The following TDRD9 variants were observed in gnomAD, a reference collection of about 807,000 sequenced individuals.
The protein encoded by TDRD9 is tudor domain containing 9, also known as ATP-dependent RNA helicase TDRD9.
In TDRD9, 124 loss-of-function variants were observed where a neutral mutation model predicts 172.6. The observed-to-expected ratio is 0.72, with a 90% CI of 0.62 to 0.83. TDRD9 has a LOEUF of 0.83. Among genes scored for constraint, TDRD9 ranks in the 40% least tolerant of loss-of-function variants. The probability of loss-of-function intolerance (pLI) is 0.00; values close to 1 mark genes in which losing one functional copy is unlikely to be tolerated. For missense variants in TDRD9, 1,479 were observed against 1,714.1 expected, an observed-to-expected ratio of 0.86 and a Z score of 2.42; for synonymous variants, 619 against 617.1, an observed-to-expected ratio of 1.00 and a Z score of -0.05.
intron 32 of TDRD9, among the ~76,000 whole-genome samples, chr14:104,035,301 G>T (rs1282386644): frequency 6.6e-6 from 1 of 152,106 alleles, no homozygotes; most frequent in Non-Finnish European, 1.5e-5. Context: ...CAAAAAAGGG[G>T]TAAAATAAAT....
chr14:103,942,311 A>C (rs2031287258), intron 1 of TDRD9: 1 of 152,266 alleles, frequency 6.6e-6, no homozygotes, highest in African/African-American at 2.4e-5. Flanking sequence ...TCATTAATTC[A>C]CCTTGTAAGT....
At chr14:104,001,112 C>T (rs2034245868) in intron 13 of TDRD9, among the ~76,000 whole-genome samples, 1 of 152,194 alleles carries the variant, frequency 6.6e-6, no homozygotes, top group South Asian at 2.1e-4. Flanking sequence ...GTGTATGGTT[C>T]TGTGCAGTTT....
intron 32 of TDRD9, among the ~76,000 whole-genome samples, chr14:104,035,476 C>T (rs1348265482): frequency 6.6e-6 from 1 of 152,146 alleles, no homozygotes; most frequent in Non-Finnish European, 1.5e-5. Flanking sequence ...GGCAGATTGC[C>T]CAGCAGATTG....
Position 104,040,261 on chromosome 14 carries a change from G to T in TDRD9, c.3782G>T (p.Gly1261Val). Residue 1261 changes from glycine to valine, a missense_variant, in exon 33 of 36, where the codon GGG becomes GTG. This residue lies in a region of TDRD9 where 1,413 missense variants were observed against 1,649.1 expected (regional missense o/e 0.86). Coordinates refer to ENST00000409874, the MANE Select transcript of TDRD9 (RefSeq NM_153046.3). ...LCGLGWNPATGASILPEHDME... is the reference protein window; with the variant it reads ...LCGLGWNPATVASILPEHDME... Reference sequence around the variant, plus strand: ...GGTTTGGGGTGGAATCCAGCTACAGGGGCTTCCATACTGCCCGAGCACGAC... The same window carrying T: ...GGTTTGGGGTGGAATCCAGCTACAGTGGCTTCCATACTGCCCGAGCACGAC... The T allele has an allele frequency of 1.9e-6, 3 of 1,551,402 alleles. No individual in the cohort carries two copies. The highest frequency in any genetic ancestry group is 2.6e-6 in the Non-Finnish European group (3 of 1,146,794).
At chr14:103,995,184 C>T (rs1184716429) in intron 11 of TDRD9, among the ~76,000 whole-genome samples, 1 of 152,024 alleles carries the variant, frequency 6.6e-6, no homozygotes, top group South Asian at 2.1e-4. Flanking sequence ...TTCTCGTGTC[C>T]TTGAAACCAC....
At chr14:104,051,909 A>C in intron 35 of TDRD9, 72 bp from the exon 36 acceptor site, 8 of 861,950 alleles carry the variant, frequency 9.3e-6, no homozygotes, top group Non-Finnish European at 1.5e-5. Context: ...CCTGGATGTT[A>C]ATGCATGTGT....
At chr14:103,931,383 A>G (rs928899755) in intron 1 of TDRD9, among the ~76,000 whole-genome samples, 1 of 152,192 alleles carries the variant, frequency 6.6e-6, no homozygotes, top group Non-Finnish European at 1.5e-5. Context: ...AACCAGTGAC[A>G]GGCAATGTTG....
chr14:103,991,601 T>C (rs780998476), intron 9 of TDRD9, among the ~76,000 whole-genome samples: 2 of 151,884 alleles, frequency 1.3e-5, no homozygotes, highest in Non-Finnish European at 1.5e-5. Context: ...TTAGTAGAGA[T>C]GAGCTTTCAC....
rs74086766 is a variant in TDRD9 at position 103,931,763 on chromosome 14, A to T, written c.215+3039A>T. ...AGGTTACAGATCATAGGACAGGAAG[A>T]TTAGCTAGATTGTCTGAGTGGGCCC... On this transcript the variant is annotated intron_variant, in intron 1 of 35. Transcript: ENST00000409874. Among the ~76,000 whole-genome samples the T allele has an allele frequency of 2.3e-3, 346 of 152,338 alleles. 3 individuals carry two copies. Among genetic ancestry groups the T allele is most frequent in the African/African-American group, 8.1e-3 (337 of 41,582 alleles).
chr14:103,941,005 CCTCT>C, intron 1 of TDRD9: 1 of 1,535,350 alleles, frequency 6.5e-7, no homozygotes, highest in Non-Finnish European at 8.7e-7. Context: ...TTGCTCACTC[CCTCT>C]GTCAGAGCTG....
rs1268580832 is a variant in TDRD9 at position 103,938,406 on chromosome 14, GTGTGTGTGTATA to G, written c.215+9684_215+9695del. ...TATGTGTGTGTGTGTGTGTGTGTGTGTGTGTGTGTATATATATATATATATATATATATATTT... is the reference window on the plus strand; with the variant it reads ...TATGTGTGTGTGTGTGTGTGTGTGTGTATATATATATATATATATATATTT... On this transcript the variant is annotated intron_variant, in intron 1 of 35. Transcript: ENST00000409874. Among the ~76,000 whole-genome samples, 151 of 74,536 alleles carry G rather than the reference GTGTGTGTGTATA, an allele frequency of 2.0e-3. 1 individual carries two copies. The highest frequency in any genetic ancestry group is 3.8e-3 in the African/African-American group (68 of 17,730). 48.9% of individuals were successfully genotyped at this position (74,536 alleles called of 152,430 possible). A position where few individuals can be genotyped will look rare whatever the true frequency, so the allele number is the denominator to read the frequency against.
In TDRD9 at chr14:104,026,868, G is replaced by A; in HGVS notation, c.3211G>A (p.Ala1071Thr). Residue 1071 changes from alanine to threonine, a missense_variant, in exon 28 of 36, where the codon GCC becomes ACC. Ala to Thr is a moderately conservative substitution (Grantham distance 58). This residue lies in a region of TDRD9 where 1,413 missense variants were observed against 1,649.1 expected (regional missense o/e 0.86). Transcript: ENST00000409874. ...GTACCAGTACTCAGGGGTCCAGGAT[G>A]CCATCAACATAAGAGACGTCCTCAT... ...DVYQYSGVQD[A>T]INIRDVLIQQ... The A allele has an allele frequency of 1.2e-6, 2 of 1,614,040 alleles. No homozygotes were observed. The highest frequency in any genetic ancestry group is 1.7e-6 in the Non-Finnish European group (2 of 1,179,890).
At position 103,959,440 on chromosome 14, in the gene TDRD9, G is replaced by A. The variant is rs1566740462; in HGVS notation, c.323-3639G>A. ...GAAGTGCCTCTGGAGCACTGAAGAA[G>A]TAAGGTCAGGTTATCGTGTGTGTGT... On this transcript the variant is annotated intron_variant, in intron 2 of 35. Coordinates refer to ENST00000409874, the MANE Select transcript of TDRD9 (RefSeq NM_153046.3). 2.0e-5 allele frequency among the ~76,000 whole-genome samples: 3 copies of A among 147,778 alleles called. No homozygotes were observed. The South Asian group carries it at 6.5e-4, about 32-fold the overall frequency.
chr14:104,023,545 C>T (rs552338945), intron 24 of TDRD9, among the ~76,000 whole-genome samples: 2 of 152,248 alleles, frequency 1.3e-5, no homozygotes, highest in Non-Finnish European at 2.9e-5. Flanking sequence ...AGGGCAGGAG[C>T]ACTTGCTGCA....
intron 8 of TDRD9, among the ~76,000 whole-genome samples, chr14:103,987,123 TACACACACACACACAC>T (rs143714763): frequency 3.4e-5 from 5 of 145,800 alleles, no homozygotes; most frequent in South Asian, 4.4e-4. Context: ...AAAAAATATA[TACACACACACACACAC>T]ACACACACAC....
At chr14:103,938,943 A>G (rs1173972358) in intron 1 of TDRD9, among the ~76,000 whole-genome samples, 1 of 152,236 alleles carries the variant, frequency 6.6e-6, no homozygotes, top group African/African-American at 2.4e-5. Flanking sequence ...TGCCAACAAC[A>G]AAGTGAGAGA....
chr14:104,007,374 G>A (rs931399902), intron 19 of TDRD9, among the ~76,000 whole-genome samples, 170 bp downstream of exon 19: 6 of 152,140 alleles, frequency 3.9e-5, no homozygotes, highest in Admixed American at 1.3e-4. Context: ...CATAATCTCC[G>A]CAGACTGGTC....
At chr14:104,051,106 A>G (rs542321823) in intron 35 of TDRD9, among the ~76,000 whole-genome samples, 35 of 152,220 alleles carry the variant, frequency 2.3e-4, no homozygotes, top group Admixed American at 3.9e-4. Flanking sequence ...TAGCTTTTCA[A>G]TCCTTGCCTC....
intron 7 of TDRD9, among the ~76,000 whole-genome samples, chr14:103,981,590 A>T (rs2033476272): frequency 6.6e-6 from 1 of 152,246 alleles, no homozygotes; most frequent in Non-Finnish European, 1.5e-5. Context: ...TTGACTTGTA[A>T]TGGGGTTATG....
Sources: allele counts gnomAD v4.1 joint callset (sites outside exome capture counted in the v4.1 genomes callset), GRCh38; gene constraint gnomAD v4.1.1; regional missense constraint gnomAD v4.1.1; transcripts MANE v1.5; gene names NCBI Gene and HGNC (gene_info 2026-07-23, HGNC 2026-07-21).